The following ATP1B1 variants were observed in gnomAD, a reference collection of about 807,000 sequenced individuals.
ATP1B1 encodes ATPase Na+/K+ transporting subunit beta 1.
Under a neutral mutation model 39.6 loss-of-function variants are expected in ATP1B1, and 3 were observed. That is an observed-to-expected ratio of 0.08 (90% CI 0.03 to 0.20). ATP1B1 has a LOEUF of 0.20. Ranked by LOEUF, ATP1B1 falls within the 10% of genes least tolerant of loss-of-function variation. The pLI is 1.00. For synonymous variants in ATP1B1, 139 were observed against 135.0 expected, an observed-to-expected ratio of 1.03 and a Z score of -0.20; for missense variants, 216 against 371.1, an observed-to-expected ratio of 0.58 and a Z score of 3.43.
chr1:169,107,010 TC>T, intron 1 of ATP1B1, 84 bp downstream of exon 1: 1 of 1,324,622 alleles, frequency 7.5e-7, no homozygotes, highest in Non-Finnish European at 1.0e-6. Context: ...CGCGGCCGGT[TC>T]CGCACCCACC....
Position 169,127,268 on chromosome 1 carries a change from C to G in ATP1B1, c.427C>G (p.Arg143Gly), listed in dbSNP as rs80176946. 4 of 1,600,006 alleles carry G rather than the reference C, an allele frequency of 2.5e-6. No homozygotes were observed. Among genetic ancestry groups the G allele is most frequent in the Non-Finnish European group, 2.6e-6 (3 of 1,175,906 alleles). Residue 143 changes from arginine to glycine, a missense_variant, in exon 4 of 6, where the codon CGA becomes GGA. Coordinates refer to ENST00000367815, the MANE Select transcript of ATP1B1 (RefSeq NM_001677.4). ...PKERGDFNHE[R>G]GERKVCRFKL... Reference sequence around the variant, plus strand: ...AGAACGAGGAGACTTTAATCATGAACGAGGAGAGCGAAAGGTCTGCAGATT... The same window carrying G: ...AGAACGAGGAGACTTTAATCATGAAGGAGGAGAGCGAAAGGTCTGCAGATT...
chr1:169,120,511 A>T lies in ATP1B1; in HGVS notation c.227-4373A>T, dbSNP rs907371865. ...CAAGGTTCTCTGTTACTTAAAATGG[A>T]AAGGACAGGGCAGAGGCTTTGGCCT... On this transcript the variant is annotated intron_variant, in intron 2 of 5. Coordinates refer to ENST00000367815, the MANE Select transcript of ATP1B1 (RefSeq NM_001677.4). Among the ~76,000 whole-genome samples the T allele has an allele frequency of 5.9e-5, 9 of 152,262 alleles. No homozygotes were observed. In the East Asian group the frequency reaches 9.6e-4, roughly 16 times the overall value.
rs148218036 is a variant in ATP1B1, at chr1:169,129,422, C to T, written c.568-588C>T. On this transcript the variant is annotated intron_variant, in intron 4 of 5. Transcript: ENST00000367815. ...TTCAGTGGATTCACCCCTTCAAGAC[C>T]ACCCTTCCTCTTAGGGCAGTGACAC... Among the ~76,000 whole-genome samples the T allele has an allele frequency of 5.1e-3, 777 of 152,284 alleles. 9 individuals carry two copies. Among genetic ancestry groups the T allele is most frequent in the Non-Finnish European group, 3.9e-3 (262 of 68,022 alleles).
intron 2 of ATP1B1, among the ~76,000 whole-genome samples, chr1:169,115,185 CAAA>C (rs35200858): frequency 1.3e-5 from 1 of 79,022 alleles, no homozygotes; most frequent in African/African-American, 4.3e-5. Flanking sequence ...GACTCCATCT[CAAA>C]AAAAAAAAAA....
rs1162970552 is a variant in ATP1B1, at chr1:169,124,964, C to T, written c.307C>T (p.Leu103=). The change falls in exon 3 of 6, where the codon CTG becomes TTG. Residue 103 remains leucine, a synonymous_variant. Coordinates refer to ENST00000367815, the MANE Select transcript of ATP1B1 (RefSeq NM_001677.4). ...NDPKSYEAYV[L]NIVRFLEKYK... ...TCCCAAGAGCTATGAGGCATATGTA[C>T]TGAACATAGTTAGGTTCCTGGAAAA... The T allele has an allele frequency of 2.5e-6, 4 of 1,613,860 alleles. No individual in the cohort carries two copies. Among genetic ancestry groups the T allele is most frequent in the East Asian group, 2.2e-5 (1 of 44,890 alleles).
At chr1:169,116,110 C>T (rs1171211215) in intron 2 of ATP1B1, among the ~76,000 whole-genome samples, 2 of 152,256 alleles carry the variant, frequency 1.3e-5, no homozygotes, top group Non-Finnish European at 1.5e-5. Context: ...CATGGATATA[C>T]ACACACACTC....
At position 169,111,085 on chromosome 1, in the gene ATP1B1, A is replaced by G. The variant is rs540217192; in HGVS notation, c.98-285A>G. Among the ~76,000 whole-genome samples the G allele has an allele frequency of 5.0e-4, 76 of 152,208 alleles. 1 individual carries two copies. Among genetic ancestry groups the G allele is most frequent in the Non-Finnish European group, 8.8e-4 (60 of 68,034 alleles). The stretch of plus-strand genomic sequence containing the variant: ...AATTTTGAGAATAAAAAATATGGAT[A>G]CTTTTTTTAAAATTTAGGGAATAAA... On this transcript the variant is annotated intron_variant, in intron 1 of 5. Transcript: ENST00000367815.
intron 4 of ATP1B1, among the ~76,000 whole-genome samples, chr1:169,128,264 T>G: frequency 6.6e-6 from 1 of 152,210 alleles, no homozygotes; most frequent in East Asian, 1.9e-4. Context: ...TGATAGAAAT[T>G]GACTGCAGTA....
intron 4 of ATP1B1, among the ~76,000 whole-genome samples, chr1:169,129,096 C>A (rs1190458362): frequency 6.6e-6 from 1 of 152,198 alleles, no homozygotes; most frequent in Non-Finnish European, 1.5e-5. Context: ...ACATTGCTGG[C>A]AGAAACGTCC....
rs1256177052 is a variant in ATP1B1 at position 169,131,446 on chromosome 1, T to C, written c.803T>C (p.Met268Thr). The C allele has an allele frequency of 6.2e-7, 1 of 1,614,056 alleles. No individual in the cohort carries two copies. The highest frequency in any genetic ancestry group is 8.5e-7 in the Non-Finnish European group (1 of 1,180,040). The change falls in exon 6 of 6, where the codon ATG (methionine) becomes ACG (threonine). Residue 268 changes from methionine to threonine, a missense_variant. Coordinates refer to ENST00000367815, the MANE Select transcript of ATP1B1 (RefSeq NM_001677.4). The surrounding 1 kb of genome is among the most constrained non-coding windows in gnomAD (Gnocchi z 4.4). ...LLAVQFTNLTMDTEIRIECKA... is the reference protein window; with the variant it reads ...LLAVQFTNLTTDTEIRIECKA... The stretch of plus-strand genomic sequence containing the variant: ...GCCGTACAGTTCACCAATCTTACCA[T>C]GGACACTGAAATTCGCATAGAGTGT...
intron 2 of ATP1B1, among the ~76,000 whole-genome samples, chr1:169,122,704 C>A (rs1658003677): frequency 6.7e-6 from 1 of 148,860 alleles, no homozygotes; most frequent in South Asian, 2.1e-4. Context: ...AAATTTTTGT[C>A]CCCCATAATT....
intron 1 of ATP1B1, among the ~76,000 whole-genome samples, chr1:169,111,022 C>T (rs999172861): frequency 2.6e-5 from 4 of 152,172 alleles, no homozygotes; most frequent in African/African-American, 7.2e-5. Flanking sequence ...CCAAACATAG[C>T]TCTAGATTTT....
intron 2 of ATP1B1, among the ~76,000 whole-genome samples, chr1:169,117,615 AT>A (rs562531473): frequency 6.6e-6 from 1 of 151,772 alleles, no homozygotes; most frequent in Non-Finnish European, 1.5e-5. Flanking sequence ...TCATTTAAGG[AT>A]TTTTTGCTGC....
At chr1:169,129,111 G>C (rs1658148671) in intron 4 of ATP1B1, among the ~76,000 whole-genome samples, 1 of 152,200 alleles carries the variant, frequency 6.6e-6, no homozygotes, top group Non-Finnish European at 1.5e-5. Context: ...ACGTCCCAAA[G>C]AGTCAAATCT....
Position 169,118,930 on chromosome 1 carries a change from G to A in ATP1B1, c.227-5954G>A, listed in dbSNP as rs529118111. Reference sequence around the variant, plus strand: ...TTAAATGACAGGTGCAAGCAGCTGTGCATTTGAATAACTTACAAGGTTGAA... The same window carrying A: ...TTAAATGACAGGTGCAAGCAGCTGTACATTTGAATAACTTACAAGGTTGAA... On this transcript the variant is annotated intron_variant, in intron 2 of 5. Transcript: ENST00000367815. Among the ~76,000 whole-genome samples the A allele has an allele frequency of 2.0e-5, 3 of 152,264 alleles. No homozygotes were observed. The South Asian group carries it at 6.2e-4, about 32-fold the overall frequency.
intron 1 of ATP1B1, chr1:169,110,694 G>A (rs1254995163): frequency 7.0e-6 from 9 of 1,283,962 alleles, no homozygotes; most frequent in Non-Finnish European, 8.1e-6. Flanking sequence ...CCAGAAGATG[G>A]AATTAAAATG....
intron 1 of ATP1B1, among the ~76,000 whole-genome samples, chr1:169,109,435 T>G (rs1341747330): frequency 6.6e-6 from 1 of 151,468 alleles, no homozygotes; most frequent in Non-Finnish European, 1.5e-5. Context: ...CATAGGCCCC[T>G]CTAGTCCTGA....
Position 169,111,324 on chromosome 1 carries a change from G to A in ATP1B1, c.98-46G>A, listed in dbSNP as rs535759264. The A allele has an allele frequency of 7.5e-6, 12 of 1,609,098 alleles. No homozygotes were observed. In the South Asian group the frequency reaches 1.2e-4, roughly 16 times the overall value. On this transcript the variant is annotated intron_variant, in intron 1 of 5. Transcript: ENST00000367815. ...CGTGGGAAGATTAAACTTTCATTCT[G>A]AGCATATGACTGCATCACAGCTTTT...
rs3737679 is a variant in ATP1B1, at chr1:169,112,242, C to G, written c.226+744C>G. Among the ~76,000 whole-genome samples, 49 of 152,374 alleles carry G rather than the reference C, an allele frequency of 3.2e-4. 1 individual carries two copies. The East Asian group carries it at 9.2e-3, about 29-fold the overall frequency. On this transcript the variant is annotated intron_variant, in intron 2 of 5. Coordinates refer to ENST00000367815, the MANE Select transcript of ATP1B1 (RefSeq NM_001677.4). ...ATGCAAACTGCCACACGAGTCCCTG[C>G]TGTGACTTGGGTGCCATCAGTGTAG...
Sources: allele counts gnomAD v4.1 joint callset (sites outside exome capture counted in the v4.1 genomes callset), GRCh38; gene constraint gnomAD v4.1.1; non-coding constraint Gnocchi (gnomAD v3.1); transcripts MANE v1.5; gene names NCBI Gene and HGNC (gene_info 2026-07-23, HGNC 2026-07-21).